The following GALNTL6 variants were observed in gnomAD, a reference collection of about 807,000 sequenced individuals.
The protein encoded by GALNTL6 is polypeptide N-acetylgalactosaminyltransferase-like 6.
A neutral mutation model predicts 73.7 loss-of-function variants in GALNTL6; 46 were observed. That is an observed-to-expected ratio of 0.62 (90% CI 0.49 to 0.80). The LOEUF is 0.80. Among genes scored for constraint, GALNTL6 ranks in the 30% least tolerant of loss-of-function variants. GALNTL6 has a pLI of 0.00. For missense variants in GALNTL6, 604 were observed against 755.0 expected (o/e 0.80, Z 2.34); for synonymous variants, 259 against 263.7 (o/e 0.98, Z 0.17).
chr4:172,618,322 A>G (rs10026450), intron 5 of GALNTL6, among the ~76,000 whole-genome samples: 56,755 of 151,870 alleles, frequency 0.37, 11,642 homozygotes, highest in African/African-American at 0.52. Flanking sequence ...GATAGGTAAA[A>G]CATTGAGGAT....
At chr4:172,457,868 A>G in intron 5 of GALNTL6, among the ~76,000 whole-genome samples, 1 of 152,200 alleles carries the variant, frequency 6.6e-6, no homozygotes, top group East Asian at 1.9e-4. Context: ...GATCTAACAG[A>G]CATCTACAGA....
intron 2 of GALNTL6, among the ~76,000 whole-genome samples, chr4:172,202,071 G>T (rs139424888): frequency 6.6e-6 from 1 of 152,152 alleles, no homozygotes; most frequent in Admixed American, 6.5e-5. Context: ...AAAAGAGTGA[G>T]GCATTAGTGA....
At chr4:171,920,352 C>T (rs796586467) in intron 2 of GALNTL6, among the ~76,000 whole-genome samples, 6 of 151,196 alleles carry the variant, frequency 4.0e-5, no homozygotes, top group African/African-American at 1.5e-4. Context: ...GCATGTTGTG[C>T]ACATGTACCC....
intron 5 of GALNTL6, among the ~76,000 whole-genome samples, chr4:172,741,764 A>C (rs1353528824): frequency 6.6e-6 from 1 of 152,006 alleles, no homozygotes; most frequent in African/African-American, 2.4e-5. Context: ...TTAAACTTAT[A>C]GATAACAAGT....
In GALNTL6 at chr4:172,694,070, A is replaced by T. The variant is rs1032165192; in HGVS notation, c.554-115291A>T. Among the ~76,000 whole-genome samples the T allele has an allele frequency of 9.2e-5, 14 of 152,120 alleles. No individual in the cohort carries two copies. The South Asian group carries it at 2.1e-3, about 23-fold the overall frequency. Reference sequence around the variant, plus strand: ...GCCTGCGTACTGAGGGCCAAGAAGTATTGGTTTATTTGAGCAGTCAGAGAA... The same window carrying T: ...GCCTGCGTACTGAGGGCCAAGAAGTTTTGGTTTATTTGAGCAGTCAGAGAA... On this transcript the variant is annotated intron_variant, in intron 5 of 12. Coordinates refer to ENST00000506823, the MANE Select transcript of GALNTL6 (RefSeq NM_001034845.3).
intron 2 of GALNTL6, among the ~76,000 whole-genome samples, chr4:172,059,431 G>A (rs571608997): frequency 6.6e-6 from 1 of 152,230 alleles, no homozygotes; most frequent in African/African-American, 2.4e-5. Flanking sequence ...ATGGTCGATG[G>A]AATCTCAAAA....
intron 2 of GALNTL6, among the ~76,000 whole-genome samples, chr4:172,178,019 T>G (rs541770205): frequency 1.3e-5 from 2 of 151,770 alleles, no homozygotes; most frequent in East Asian, 2.0e-4. Context: ...TGAGGCTGAT[T>G]TTTTAAAAAA....
intron 2 of GALNTL6, among the ~76,000 whole-genome samples, chr4:171,908,332 A>C (rs922103425): frequency 1.1e-4 from 17 of 152,246 alleles, no homozygotes; most frequent in East Asian, 1.9e-4. Context: ...AAAAAGTGGG[A>C]GAAGGACATG....
chr4:172,877,010 A>G (rs1745228563), intron 7 of GALNTL6, among the ~76,000 whole-genome samples: 1 of 152,170 alleles, frequency 6.6e-6, no homozygotes, highest in South Asian at 2.1e-4. Flanking sequence ...TGCTGATCAA[A>G]TTCACATTGC....
At chr4:172,417,136 G>A (rs983341711) in intron 5 of GALNTL6, among the ~76,000 whole-genome samples, 1 of 151,802 alleles carries the variant, frequency 6.6e-6, no homozygotes, top group East Asian at 1.9e-4. Context: ...CTAAAAACTC[G>A]GTCATTCCTG....
chr4:172,115,302 T>G (rs778760991), intron 2 of GALNTL6, among the ~76,000 whole-genome samples: 2 of 152,096 alleles, frequency 1.3e-5, no homozygotes, highest in Non-Finnish European at 2.9e-5. Flanking sequence ...ATTTAAACAT[T>G]CTGAAGGAAC....
chr4:172,446,231 G>A (rs1732014698), intron 5 of GALNTL6, among the ~76,000 whole-genome samples: 1 of 152,088 alleles, frequency 6.6e-6, no homozygotes, highest in Admixed American at 6.6e-5. Flanking sequence ...AGATATAAGA[G>A]GCACCTTTAT....
intron 5 of GALNTL6, among the ~76,000 whole-genome samples, chr4:172,779,652 AT>A (rs1739270753): frequency 6.6e-6 from 1 of 152,190 alleles, no homozygotes; most frequent in African/African-American, 2.4e-5. Flanking sequence ...TTTTAGGGGA[AT>A]GGTTACTGTA....
At chr4:171,891,662 A>G (rs534437098) in intron 2 of GALNTL6, among the ~76,000 whole-genome samples, 1 of 152,298 alleles carries the variant, frequency 6.6e-6, no homozygotes, top group South Asian at 2.1e-4. Flanking sequence ...AGTATTTTTG[A>G]CATTGGGAAA....
At chr4:172,436,549 C>G (rs336002) in intron 5 of GALNTL6, among the ~76,000 whole-genome samples, 131,030 of 152,108 alleles carry the variant, frequency 0.86, 56,514 homozygotes, top group South Asian at 0.89. Context: ...ACAAGTAGAT[C>G]TGAAGATTAA....
At chr4:172,853,199 C>T (rs1743932875) in intron 7 of GALNTL6, among the ~76,000 whole-genome samples, 1 of 152,186 alleles carries the variant, frequency 6.6e-6, no homozygotes, top group African/African-American at 2.4e-5. Context: ...CATTTGCAAG[C>T]TTACTCAGGT....
intron 3 of GALNTL6, among the ~76,000 whole-genome samples, chr4:172,265,221 A>G (rs1560996705): frequency 1.3e-5 from 2 of 152,038 alleles, no homozygotes; most frequent in Admixed American, 6.6e-5. Flanking sequence ...TTGGTTATCA[A>G]CAGAGATGAG....
chr4:172,244,672 A>G (rs778834812), intron 3 of GALNTL6, among the ~76,000 whole-genome samples: 35 of 152,174 alleles, frequency 2.3e-4, no homozygotes, highest in Non-Finnish European at 4.3e-4. Context: ...CTGTGCCTAT[A>G]TGACTATAAC....
At chr4:172,597,239 G>C (rs1232066843) in intron 5 of GALNTL6, among the ~76,000 whole-genome samples, 1 of 152,096 alleles carries the variant, frequency 6.6e-6, no homozygotes, top group Non-Finnish European at 1.5e-5. Flanking sequence ...CACTGCCTCA[G>C]TTCTCTGCAC....
Sources: allele counts gnomAD v4.1 joint callset (sites outside exome capture counted in the v4.1 genomes callset), GRCh38; gene constraint gnomAD v4.1.1; transcripts MANE v1.5; gene names NCBI Gene and HGNC (gene_info 2026-07-23, HGNC 2026-07-21).